TRIM5: variants seen among roughly 807,000 people sequenced by gnomAD.
The protein encoded by TRIM5 is tripartite motif-containing protein 5.
A neutral mutation model predicts 35.6 loss-of-function variants in TRIM5; 31 were observed. That is an observed-to-expected ratio of 0.87 (90% CI 0.65 to 1.18). The LOEUF is 1.18. Among genes scored for constraint, TRIM5 ranks in the 50% most tolerant of loss-of-function variants. The pLI is 0.00. For missense variants in TRIM5, 609 were observed against 591.6 expected (o/e 1.03, Z -0.31); for synonymous variants, 243 against 215.6 (o/e 1.13, Z -1.11).
At position 5,664,742 on chromosome 11, in the gene TRIM5, G is replaced by A; in HGVS notation, c.*67C>T. ...AAGATGGTTAAAATGATGCAAATGA[G>A]TTCAGGTGTATGAGATGCACCTGGA... is the stretch of plus-strand genomic sequence containing the variant. On this transcript the variant is annotated 3_prime_UTR_variant, in exon 8 of 8. Coordinates refer to ENST00000380034, the MANE Select transcript of TRIM5 (RefSeq NM_033034.3). 4 of 1,511,928 alleles carry A rather than the reference G, an allele frequency of 2.6e-6. No individual in the cohort carries two copies. Among genetic ancestry groups the A allele is most frequent in the Admixed American group, 2.4e-5 (1 of 42,322 alleles). The allele number at this position is 1,511,928 out of a possible 1,614,324, so 93.7% of individuals were successfully genotyped here. A position where few individuals can be genotyped will look rare whatever the true frequency, so the allele number is the denominator to read the frequency against.
the TRIM5 span, among the ~76,000 whole-genome samples, chr11:5,593,485 G>A: frequency 4.6e-5 from 7 of 152,024 alleles, no homozygotes; most frequent in East Asian, 1.9e-4. Context: ...AAATATATTC[G>A]AGCATATTAG....
the TRIM5 span, chr11:5,611,204 T>C: frequency 1.9e-5 from 31 of 1,614,196 alleles, no homozygotes; most frequent in Non-Finnish European, 2.6e-5. Context: ...AGGCTGGTAC[T>C]GTCTCCTTTT....
the TRIM5 span, among the ~76,000 whole-genome samples, chr11:5,601,375 T>G: frequency 6.6e-5 from 10 of 152,226 alleles, no homozygotes; most frequent in Non-Finnish European, 1.2e-4. Context: ...ATACTCTTAT[T>G]TATGCAGAGT....
chr11:5,680,784 CTCT>C (rs1465117337), intron 1 of TRIM5, among the ~76,000 whole-genome samples: 6 of 152,184 alleles, frequency 3.9e-5, no homozygotes, highest in Non-Finnish European at 4.4e-5. Context: ...GCAATGATTG[CTCT>C]TATTATCAGC....
chr11:5,646,547 G>A, the TRIM5 span, among the ~76,000 whole-genome samples: 7 of 151,966 alleles, frequency 4.6e-5, no homozygotes, highest in Non-Finnish European at 7.4e-5. Context: ...ATCTTTACAC[G>A]CTTGAAGCAT....
chr11:5,634,747 G>T, the TRIM5 span: 5 of 1,614,074 alleles, frequency 3.1e-6, no homozygotes, highest in Non-Finnish European at 4.2e-6. Context: ...AAAAGAAGAC[G>T]CTGGATAAGT....
the TRIM5 span, chr11:5,610,913 C>T: frequency 6.2e-7 from 1 of 1,614,180 alleles, no homozygotes; most frequent in Admixed American, 1.7e-5. Flanking sequence ...GTGTCCTGGG[C>T]TCCCAGCACT....
chr11:5,616,014 G>A, the TRIM5 span, among the ~76,000 whole-genome samples: 4 of 147,908 alleles, frequency 2.7e-5, no homozygotes, highest in Middle Eastern at 3.5e-3. Flanking sequence ...GACGTGGCGC[G>A]ATCTCGGCTC....
chr11:5,642,547 G>A, the TRIM5 span: 4 of 1,605,298 alleles, frequency 2.5e-6, no homozygotes, highest in East Asian at 6.7e-5. Context: ...TGGGATTGTT[G>A]TGGTGTCAGG....
At chr11:5,604,781 C>A in the TRIM5 span, 1 of 723,118 alleles carries the variant, frequency 1.4e-6, no homozygotes, top group Non-Finnish European at 2.1e-6. Context: ...TCCTTCCAAA[C>A]AGGGGGAGGA....
chr11:5,596,630 T>A, the TRIM5 span: 1 of 338,476 alleles, frequency 3.0e-6, no homozygotes, highest in African/African-American at 2.3e-5. Context: ...GCGGCCCGAC[T>A]CCTCCCAGAA....
At chr11:5,618,152 C>T in the TRIM5 span, among the ~76,000 whole-genome samples, 1 of 152,094 alleles carries the variant, frequency 6.6e-6, no homozygotes. Context: ...CCTGCAAATC[C>T]TAAAATATTT....
At position 5,668,590 on chromosome 11, in the gene TRIM5, C is replaced by T. The variant is rs146333024; in HGVS notation, c.745-879G>A. 9.3e-3 allele frequency among the ~76,000 whole-genome samples: 1,419 copies of T among 152,046 alleles called. 23 individuals carry two copies. Among genetic ancestry groups the T allele is most frequent in the African/African-American group, 0.031 (1,303 of 41,482 alleles). On this transcript the variant is annotated intron_variant, in intron 4 of 7. Coordinates refer to ENST00000380034, the MANE Select transcript of TRIM5 (RefSeq NM_033034.3). The stretch of plus-strand genomic sequence containing the variant: ...TCAACCTCCCGAGTAGCTGGGATTA[C>T]TGGCGCCCACCATAATGCCCGGCTA...
At chr11:5,652,281 G>A in the TRIM5 span, among the ~76,000 whole-genome samples, 1 of 151,960 alleles carries the variant, frequency 6.6e-6, no homozygotes. Context: ...AATCTTCTAG[G>A]GTTTTTATAA....
intron 4 of TRIM5, among the ~76,000 whole-genome samples, chr11:5,670,594 G>A (rs60390240): frequency 0.022 from 3,309 of 152,206 alleles, 128 homozygotes; most frequent in African/African-American, 0.075. Flanking sequence ...ATATGGAAAG[G>A]ATAAGTGAAA....
chr11:5,676,329 C>G (rs1851978425), intron 4 of TRIM5, among the ~76,000 whole-genome samples: 1 of 151,956 alleles, frequency 6.6e-6, no homozygotes, highest in Non-Finnish European at 1.5e-5. Flanking sequence ...AACAGAGAGC[C>G]AAATCATGAG....
chr11:5,641,194 G>A, the TRIM5 span: 46 of 1,613,354 alleles, frequency 2.9e-5, no homozygotes, highest in Middle Eastern at 3.3e-4. Context: ...GAAATGGTGC[G>A]TATGGGTGGC....
rs201444726 is a variant in TRIM5, at chr11:5,680,007, C to T, written c.171G>A (p.Val57=). Residue 57 remains valine, a synonymous_variant, in exon 2 of 8, where the codon GTG becomes GTA. Transcript: ENST00000380034. ...MLDKGESSCP[V]CRISYQPENI... ...TCTCAGGCTGGTAACTGATCCGGCA[C>T]ACAGGGCAGCTACTCTCTCCTTTGT... 6 of 1,614,052 alleles carry T rather than the reference C, an allele frequency of 3.7e-6. No homozygotes were observed. In the Admixed American group the frequency reaches 5.0e-5, roughly 13 times the overall value.
intron 4 of TRIM5, 62 bp downstream of exon 4, chr11:5,678,142 G>A (rs763176270): frequency 2.8e-6 from 4 of 1,422,286 alleles, no homozygotes; most frequent in African/African-American, 2.9e-5. Context: ...CAGCAACGCA[G>A]AGAAGGAAAT....
Sources: allele counts gnomAD v4.1 joint callset (sites outside exome capture counted in the v4.1 genomes callset), GRCh38; gene constraint gnomAD v4.1.1; transcripts MANE v1.5; gene names NCBI Gene and HGNC (gene_info 2026-07-23, HGNC 2026-07-21).